The following CSTA variants were observed in gnomAD, a reference collection of about 807,000 sequenced individuals.
CSTA encodes the protein cystatin-A.
Under a neutral mutation model 9.2 loss-of-function variants are expected in CSTA, and 9 were observed. The ratio of observed to expected loss-of-function variants is 0.97; its 90% CI spans 0.59 to 1.70. The LOEUF (loss-of-function observed/expected upper bound fraction) is 1.70, where lower values mean the gene tolerates loss of function less well. Among genes scored for constraint, CSTA ranks in the 40% most tolerant of loss-of-function variants. The pLI, the probability that CSTA is intolerant of heterozygous loss-of-function variation, is 0.00. For missense variants in CSTA, 118 were observed against 113.1 expected (o/e 1.04, Z -0.20); for synonymous variants, 36 against 40.6 (o/e 0.89, Z 0.43).
intron 1 of CSTA, among the ~76,000 whole-genome samples, chr3:122,327,943 C>G (rs1244833539): frequency 6.6e-6 from 1 of 152,194 alleles, no homozygotes; most frequent in East Asian, 1.9e-4. Flanking sequence ...TATCTGTGAG[C>G]CCCATCTTAA....
At chr3:122,334,895 A>G (rs2075227732) in intron 1 of CSTA, among the ~76,000 whole-genome samples, 1 of 152,224 alleles carries the variant, frequency 6.6e-6, no homozygotes, top group South Asian at 2.1e-4. Context: ...AGGCATGAGC[A>G]ACACCAAAAA....
At chr3:122,337,722 T>A in intron 2 of CSTA, 74 bp downstream of exon 2, 1 of 988,946 alleles carries the variant, frequency 1.0e-6, no homozygotes, top group Non-Finnish European at 1.6e-6. Flanking sequence ...CTGATTTCCC[T>A]ACCACATAAT....
Position 122,325,353 on chromosome 3 carries a change from G to A in CSTA, c.61G>A (p.Asp21Asn). 1.9e-6 allele frequency: 3 copies of A among 1,614,134 alleles called. No individual in the cohort carries two copies. Among genetic ancestry groups the A allele is most frequent in the Non-Finnish European group, 2.5e-6 (3 of 1,180,004 alleles). Reference protein sequence around the residue: ...PATPEIQEIVDKVKPQLEEKT... With the variant: ...PATPEIQEIVNKVKPQLEEKT... ...CACTCCAGAAATCCAGGAGATTGTT[G>A]ATAAGGTGAGTTGATGCCATTCAGG... The change falls in exon 1 of 3, where the codon GAT (aspartate) becomes AAT (asparagine). Residue 21 changes from aspartate to asparagine, a missense_variant. Asp to Asn is a conservative substitution (Grantham distance 23, BLOSUM62 1). Transcript: ENST00000264474.
intron 1 of CSTA, among the ~76,000 whole-genome samples, chr3:122,329,831 T>A (rs2075193851): frequency 6.6e-6 from 1 of 152,206 alleles, no homozygotes; most frequent in African/African-American, 2.4e-5. Context: ...ATGTTAGAGA[T>A]TGCTGGTCAA....
chr3:122,331,557 G>T (rs932246992), intron 1 of CSTA, among the ~76,000 whole-genome samples: 6 of 152,032 alleles, frequency 3.9e-5, no homozygotes, highest in African/African-American at 9.7e-5. Flanking sequence ...TCAATTAAAG[G>T]TCACACCCAC....
intron 1 of CSTA, among the ~76,000 whole-genome samples, chr3:122,325,850 T>G (rs1008574621): frequency 6.6e-6 from 1 of 152,194 alleles, no homozygotes; most frequent in Non-Finnish European, 1.5e-5. Context: ...TTTGCCCAAA[T>G]AGATAGTGTT....
At chr3:122,330,989 T>C (rs1277464041) in intron 1 of CSTA, among the ~76,000 whole-genome samples, 1 of 152,108 alleles carries the variant, frequency 6.6e-6, no homozygotes. Context: ...TTATATAATA[T>C]GTTAATAAGC....
intron 1 of CSTA, among the ~76,000 whole-genome samples, chr3:122,332,571 GCTCAAATC>G (rs1255639095): frequency 6.6e-6 from 1 of 152,088 alleles, no homozygotes; most frequent in Non-Finnish European, 1.5e-5. Context: ...GTGCCTCATG[GCTCAAATC>G]CTCAGATCTC....
At chr3:122,333,798 C>T (rs2075221712) in intron 1 of CSTA, among the ~76,000 whole-genome samples, 1 of 152,094 alleles carries the variant, frequency 6.6e-6, no homozygotes, top group South Asian at 2.1e-4. Flanking sequence ...AGAAACATGA[C>T]TGAAAAGCAG....
Position 122,333,559 on chromosome 3 carries a change from GAAAGAAAGA to G in CSTA, c.67-3985_67-3977del, listed in dbSNP as rs2075217557. Among the ~76,000 whole-genome samples, 10 of 119,180 alleles carry G rather than the reference GAAAGAAAGA, an allele frequency of 8.4e-5. 1 individual carries two copies. In the South Asian group the frequency reaches 2.5e-3, roughly 30 times the overall value. The allele number at this position is 119,180 out of a possible 152,430, so 78.2% of individuals were successfully genotyped here. A position where few individuals can be genotyped will look rare whatever the true frequency, so the allele number is the denominator to read the frequency against. On this transcript the variant is annotated intron_variant, in intron 1 of 2. Coordinates refer to ENST00000264474, the MANE Select transcript of CSTA (RefSeq NM_005213.4). ...AAGAAAGAAGAAAGAAAGAAAGAAA[GAAAGAAAGA>G]AAGAAAGAAAGAAAGAAAGAAAGAA...
rs770962641 is a variant in CSTA at position 122,341,443 on chromosome 3, G to C, written c.173G>C (p.Arg58Pro). 8 of 1,613,756 alleles carry C rather than the reference G, an allele frequency of 5.0e-6. No homozygotes were observed. Among genetic ancestry groups the C allele is most frequent in the Non-Finnish European group, 6.8e-6 (8 of 1,179,818 alleles). The change falls in exon 3 of 3, where the codon CGA becomes CCA. Residue 58 changes from arginine (R) to proline (P), a missense_variant. Transcript: ENST00000264474. The part of the protein sequence containing the change: ...VAGTNYYIKV[R>P]AGDNKYMHLK... ...TCTTTCTTTAATATTTTTCAGGTAC[G>C]AGCAGGTGATAATAAATATATGCAC... is the stretch of plus-strand genomic sequence containing the variant.
At chr3:122,337,517 A>G (rs766834413) in intron 1 of CSTA, 30 bp from the exon 2 acceptor site, 1 of 1,491,662 alleles carries the variant, frequency 6.7e-7, no homozygotes, top group South Asian at 1.1e-5. Context: ...TATAGCTTTG[A>G]TTATTTGTTT....
At chr3:122,341,347 C>T in intron 2 of CSTA, 92 bp from the exon 3 acceptor site, 1 of 1,407,942 alleles carries the variant, frequency 7.1e-7, no homozygotes, top group Non-Finnish European at 1.0e-6. Flanking sequence ...GCTTTTTGGA[C>T]AGAAGTCTTT....
intron 2 of CSTA, chr3:122,338,135 C>T (rs907770069): frequency 6.4e-6 from 1 of 155,384 alleles, no homozygotes; most frequent in African/African-American, 2.4e-5. Context: ...AATGTAAATA[C>T]TATTTTGTAA....
intron 1 of CSTA, among the ~76,000 whole-genome samples, chr3:122,333,608 GGA>G: frequency 8.1e-6 from 1 of 123,996 alleles, no homozygotes; most frequent in African/African-American, 2.8e-5. Context: ...GAGAGAGAGA[GGA>G]AGGAAGGAAA....
At chr3:122,329,413 T>C (rs949682424) in intron 1 of CSTA, among the ~76,000 whole-genome samples, 1 of 151,716 alleles carries the variant, frequency 6.6e-6, no homozygotes, top group African/African-American at 2.4e-5. Context: ...CCCTCCAAAA[T>C]ACAAAAAAAT....
At chr3:122,330,897 C>G (rs1172914988) in intron 1 of CSTA, among the ~76,000 whole-genome samples, 1 of 152,006 alleles carries the variant, frequency 6.6e-6, no homozygotes, top group Non-Finnish European at 1.5e-5. Flanking sequence ...TCATGAAAAG[C>G]CACAATCTGT....
At position 122,335,996 on chromosome 3, in the gene CSTA, C is replaced by T. The variant is rs777658819; in HGVS notation, c.67-1551C>T. 3.7e-4 allele frequency among the ~76,000 whole-genome samples: 54 copies of T among 147,494 alleles called. 1 individual carries two copies. The highest frequency in any genetic ancestry group is 2.2e-4 in the South Asian group (1 of 4,574). On this transcript the variant is annotated intron_variant, in intron 1 of 2. Transcript: ENST00000264474. ...ACACACACACACACACACACACACACGTACACACACATATATAATGTATAT... is the reference window on the plus strand; with the variant it reads ...ACACACACACACACACACACACACATGTACACACACATATATAATGTATAT...
intron 1 of CSTA, among the ~76,000 whole-genome samples, chr3:122,334,489 A>T (rs1159626800): frequency 6.6e-6 from 1 of 152,110 alleles, no homozygotes; most frequent in African/African-American, 2.4e-5. Flanking sequence ...ATTTAAAAAA[A>T]CAAAAAACAA....
Sources: allele counts gnomAD v4.1 joint callset (sites outside exome capture counted in the v4.1 genomes callset), GRCh38; gene constraint gnomAD v4.1.1; transcripts MANE v1.5; gene names NCBI Gene and HGNC (gene_info 2026-07-23, HGNC 2026-07-21).